EBF1: variants seen among roughly 807,000 people sequenced by gnomAD.
EBF1 encodes transcription factor COE1.
Under a neutral mutation model 68.4 loss-of-function variants are expected in EBF1, and 10 were observed. The ratio of observed to expected loss-of-function variants is 0.15; its 90% confidence interval spans 0.09 to 0.25. The LOEUF (loss-of-function observed/expected upper bound fraction) is 0.25, where lower values mean the gene tolerates loss of function less well. Among genes scored for constraint, EBF1 ranks in the 10% least tolerant of loss-of-function variants. The probability of loss-of-function intolerance (pLI) is 1.00; values close to 1 mark genes in which losing one functional copy is unlikely to be tolerated. For missense variants in EBF1, 509 were observed against 794.4 expected, an observed-to-expected ratio of 0.64 and a Z score of 4.32; for synonymous variants, 298 against 299.8, an observed-to-expected ratio of 0.99 and a Z score of 0.06.
At chr5:158,895,079 T>G (rs1248493499) in intron 6 of EBF1, among the ~76,000 whole-genome samples, 1 of 151,914 alleles carries the variant, frequency 6.6e-6, no homozygotes, top group East Asian at 1.9e-4. Flanking sequence ...TGTCCAAATT[T>G]ATTTACCATT....
chr5:159,096,350 G>A lies in EBF1; in HGVS notation c.348C>T (p.Tyr116=). The change falls in exon 3 of 16, where the codon TAC becomes TAT. Residue 116 remains tyrosine, a synonymous_variant. Transcript: ENST00000313708. ...NGIHYRLQLL[Y]SNGIRTEQDF... ...ACCCGACCCGGGCCTCACCATTGCT[G>A]TAGAGAAGCTGAAGCCGGTAGTGAA... 1 of 1,613,506 alleles carries A rather than the reference G, an allele frequency of 6.2e-7. No homozygotes were observed. Among genetic ancestry groups the A allele is most frequent in the Admixed American group, 1.7e-5 (1 of 59,954 alleles).
intron 6 of EBF1, among the ~76,000 whole-genome samples, chr5:158,897,184 T>C (rs1378721065): frequency 6.6e-6 from 1 of 152,192 alleles, no homozygotes; most frequent in Non-Finnish European, 1.5e-5. Flanking sequence ...CCATCAGTGA[T>C]AGACTGGATA....
chr5:158,899,070 G>A (rs146122113), intron 6 of EBF1, among the ~76,000 whole-genome samples: 18 of 152,298 alleles, frequency 1.2e-4, no homozygotes, highest in African/African-American at 3.8e-4. Flanking sequence ...TACAAGATGC[G>A]TAAGTTATTC....
intron 10 of EBF1, among the ~76,000 whole-genome samples, chr5:158,761,023 C>A (rs72810387): frequency 6.6e-6 from 1 of 152,094 alleles, no homozygotes; most frequent in Non-Finnish European, 1.5e-5. Context: ...TTAACATAAC[C>A]CTGTGCTTGC....
intron 6 of EBF1, among the ~76,000 whole-genome samples, chr5:158,888,988 C>G (rs572438402): frequency 3.0e-4 from 46 of 152,164 alleles, no homozygotes; most frequent in Non-Finnish European, 1.0e-4. Flanking sequence ...CTTTCCTGCT[C>G]CCATCCCATC....
At chr5:158,813,919 G>A (rs1373067594) in intron 8 of EBF1, among the ~76,000 whole-genome samples, 1 of 152,172 alleles carries the variant, frequency 6.6e-6, no homozygotes, top group Non-Finnish European at 1.5e-5. Flanking sequence ...TGAAGCCTCT[G>A]AAATTCTCAA....
Position 158,876,712 on chromosome 5 carries a change from G to T in EBF1, c.555-36602C>A, listed in dbSNP as rs147935248. On this transcript the variant is annotated intron_variant, in intron 6 of 15. Transcript: ENST00000313708. ...AGGCATGAAAATACCTTTAGAATTT[G>T]TAAATCTCAAGGCAACCGAGTGAAA... 3.8e-4 allele frequency among the ~76,000 whole-genome samples: 58 copies of T among 152,344 alleles called. 1 individual carries two copies. The East Asian group carries it at 9.2e-3, about 24-fold the overall frequency.
intron 6 of EBF1, among the ~76,000 whole-genome samples, chr5:158,936,976 A>G (rs1354754226): frequency 1.3e-5 from 2 of 151,924 alleles, no homozygotes; most frequent in African/African-American, 4.8e-5. Context: ...GATCAAAGAG[A>G]GGGTCATGGA....
At chr5:159,095,562 T>A (rs534560964) in intron 4 of EBF1, 58 bp downstream of exon 4, 1 of 1,601,440 alleles carries the variant, frequency 6.2e-7, no homozygotes, top group Admixed American at 1.7e-5. Context: ...ACTAGCTTCT[T>A]GACTGCCCTG....
chr5:158,871,517 T>A (rs1796871308), intron 6 of EBF1, among the ~76,000 whole-genome samples: 1 of 152,208 alleles, frequency 6.6e-6, no homozygotes, highest in South Asian at 2.1e-4. Context: ...TTCTTGCAGA[T>A]GGTCACATGT....
intron 6 of EBF1, among the ~76,000 whole-genome samples, chr5:158,969,207 C>T (rs11740411): frequency 0.23 from 35,638 of 151,944 alleles, 4,511 homozygotes; most frequent in Non-Finnish European, 0.27. Flanking sequence ...GAGGTTGAGG[C>T]ATGAGACTCA....
At chr5:159,071,868 C>T (rs1302076018) in intron 6 of EBF1, among the ~76,000 whole-genome samples, 2 of 152,100 alleles carry the variant, frequency 1.3e-5, no homozygotes, top group African/African-American at 4.8e-5. Flanking sequence ...TGGGCTGGTC[C>T]TTTGATCCGT....
Position 158,889,867 on chromosome 5 carries a change from C to T in EBF1, c.555-49757G>A, listed in dbSNP as rs548565654. On this transcript the variant is annotated intron_variant, in intron 6 of 15. Transcript: ENST00000313708. ...GATATTCAAACAATAAACAATGATACGAAAATAAAATAAATGTTTAAAAAT... is the reference window on the plus strand; with the variant it reads ...GATATTCAAACAATAAACAATGATATGAAAATAAAATAAATGTTTAAAAAT... 5.3e-5 allele frequency among the ~76,000 whole-genome samples: 8 copies of T among 152,010 alleles called. No individual in the cohort carries two copies. The South Asian group carries it at 8.3e-4, about 16-fold the overall frequency.
chr5:159,077,710 C>T (rs916843406), intron 5 of EBF1, among the ~76,000 whole-genome samples: 5 of 147,528 alleles, frequency 3.4e-5, no homozygotes, highest in South Asian at 2.2e-4. Flanking sequence ...GAATGGAAGA[C>T]GTGCATTTTA....
intron 15 of EBF1, among the ~76,000 whole-genome samples, chr5:158,705,400 G>T (rs1757660792): frequency 1.3e-5 from 2 of 152,228 alleles, no homozygotes; most frequent in Admixed American, 1.3e-4. Flanking sequence ...ATCCACAACA[G>T]TGAATCCAGC....
intron 9 of EBF1, among the ~76,000 whole-genome samples, chr5:158,793,826 T>C (rs1361552445): frequency 6.6e-6 from 1 of 152,202 alleles, no homozygotes; most frequent in Admixed American, 6.5e-5. Flanking sequence ...TTTGGGGCAG[T>C]ATCAAATTCT....
chr5:159,021,447 A>G (rs1295571641), intron 6 of EBF1, among the ~76,000 whole-genome samples: 4 of 152,250 alleles, frequency 2.6e-5, no homozygotes, highest in Non-Finnish European at 5.9e-5. Context: ...AGTTCCAAAC[A>G]GAACAACCAC....
At chr5:159,027,602 T>C (rs1486769424) in intron 6 of EBF1, among the ~76,000 whole-genome samples, 1 of 152,240 alleles carries the variant, frequency 6.6e-6, no homozygotes, top group Non-Finnish European at 1.5e-5. Context: ...TAATTCTGGC[T>C]GAGGCTTGGG....
At chr5:158,813,443 A>G (rs565942975) in intron 8 of EBF1, among the ~76,000 whole-genome samples, 1 of 152,322 alleles carries the variant, frequency 6.6e-6, no homozygotes, top group South Asian at 2.1e-4. Context: ...TACCTAAGGC[A>G]CAATGGCTAT....
Sources: gnomAD v4.1 joint callset for allele counts (sites outside exome capture counted in the v4.1 genomes callset) on GRCh38, gnomAD v4.1.1 for gene constraint, MANE v1.5 for transcripts, NCBI Gene and HGNC (gene_info 2026-07-23, HGNC 2026-07-21) for gene names.